Variants in CCDC33 observed in about 807,000 individuals in gnomAD.
CCDC33 encodes coiled-coil domain containing 33.
A neutral mutation model predicts 91.9 loss-of-function variants in CCDC33; 94 were observed. The observed-to-expected ratio is 1.02, with a 90% CI of 0.87 to 1.21. The LOEUF (loss-of-function observed/expected upper bound fraction) is 1.21. Ranked by LOEUF, CCDC33 falls within the 50% of genes most tolerant of loss-of-function variation. The probability of loss-of-function intolerance (pLI) is 0.00; values close to 1 mark genes in which losing one functional copy is unlikely to be tolerated. For synonymous variants in CCDC33, 396 were observed against 374.5 expected (o/e 1.06, Z -0.66); for missense variants, 940 against 935.5 (o/e 1.00, Z -0.06).
At chr15:74,262,678 TG>T in intron 3 of CCDC33, 105 bp downstream of exon 3, 1 of 1,259,536 alleles carries the variant, frequency 7.9e-7, no homozygotes, top group East Asian at 2.6e-5. Flanking sequence ...GGTAGCCACC[TG>T]AACACCTCCT....
intron 11 of CCDC33, among the ~76,000 whole-genome samples, chr15:74,324,888 C>G (rs2060278692): frequency 1.3e-5 from 2 of 150,218 alleles, no homozygotes; most frequent in Non-Finnish European, 3.0e-5. Flanking sequence ...TCCTTCTCCC[C>G]TCTTCCTCCT....
chr15:74,237,425 C>G (rs2075199542), intron 1 of CCDC33, among the ~76,000 whole-genome samples: 1 of 152,184 alleles, frequency 6.6e-6, no homozygotes, highest in Admixed American at 6.5e-5. Flanking sequence ...TGGTGTTAAC[C>G]CACAGGGATA....
intron 5 of CCDC33, among the ~76,000 whole-genome samples, 164 bp downstream of exon 5, chr15:74,268,622 G>A (rs1427445963): frequency 6.6e-6 from 1 of 152,264 alleles, no homozygotes; most frequent in African/African-American, 2.4e-5. Flanking sequence ...ATAGCAAAAG[G>A]AGTTGTGAAG....
chr15:74,232,050 G>A (rs12904523), upstream of CCDC33, among the ~76,000 whole-genome samples: 69,321 of 151,996 alleles, frequency 0.46, 18,797 homozygotes, highest in Non-Finnish European at 0.62. Flanking sequence ...CAATAACTCC[G>A]GGAGCGTAAA....
At chr15:74,285,095 T>C (rs2059445904) in intron 10 of CCDC33, among the ~76,000 whole-genome samples, 2 of 152,270 alleles carry the variant, frequency 1.3e-5, no homozygotes, top group Non-Finnish European at 2.9e-5. Flanking sequence ...GCTCTTTGCA[T>C]GTGGTCAGAC....
At chr15:74,262,114 G>A (rs1038637797) in intron 2 of CCDC33, among the ~76,000 whole-genome samples, 8 of 152,272 alleles carry the variant, frequency 5.3e-5, no homozygotes, top group East Asian at 3.9e-4. Context: ...TCCTGCTGGA[G>A]AGCCCTCCCT....
Position 74,335,057 on chromosome 15 carries a change from A to AC in CCDC33, c.2112dup (p.Ser705LeufsTer10). ...CAGGAGCAAGAAAAAGGTTTCAGGC[A>AC]CCCCTCGAACTCCATCATCATAGAA... On this transcript the variant is annotated frameshift_variant, in exon 18 of 19. Transcript: ENST00000398814. LOFTEE classifies it low-confidence loss of function (END_TRUNC). 6.2e-7 allele frequency: 1 copy of AC among 1,613,786 alleles called. No individual in the cohort carries two copies. The highest frequency in any genetic ancestry group is 8.5e-7 in the Non-Finnish European group (1 of 1,179,928).
At chr15:74,270,131 G>A (rs1389830182) in intron 5 of CCDC33, among the ~76,000 whole-genome samples, 1 of 152,214 alleles carries the variant, frequency 6.6e-6, no homozygotes, top group Non-Finnish European at 1.5e-5. Flanking sequence ...AGAGCTGCGA[G>A]GCCCTAAGGA....
chr15:74,329,008 G>A (rs932475821), intron 11 of CCDC33, among the ~76,000 whole-genome samples: 6 of 152,128 alleles, frequency 3.9e-5, no homozygotes, highest in South Asian at 2.1e-4. Context: ...GCTTCACATC[G>A]AGGTTGCAGT....
At chr15:74,221,462 G>T (rs1595882940) in intron 2 of CCDC33, 2 of 273,362 alleles carry the variant, frequency 7.3e-6, no homozygotes, top group South Asian at 1.4e-4. Flanking sequence ...GCCTTAAATG[G>T]CCCTGCCAAT....
chr15:74,300,098 C>T (rs894038989), intron 11 of CCDC33: 1 of 152,228 alleles, frequency 6.6e-6, no homozygotes, highest in Non-Finnish European at 1.5e-5. Flanking sequence ...TGTACGGCTC[C>T]ATGACAAGCA....
chr15:74,217,110 A>G, upstream of CCDC33: 1 of 355,122 alleles, frequency 2.8e-6, no homozygotes, highest in South Asian at 3.1e-5. Flanking sequence ...TCCCTGGGTC[A>G]GGCCCAGCTT....
intron 11 of CCDC33, among the ~76,000 whole-genome samples, chr15:74,319,012 G>A (rs2060152699): frequency 1.3e-5 from 2 of 152,164 alleles, no homozygotes; most frequent in Admixed American, 1.3e-4. Flanking sequence ...GCTGAGCCTG[G>A]GCTAGCCTGG....
Position 74,335,948 on chromosome 15 carries a change from C to T in CCDC33, c.2163C>T (p.Asp721=). 6.2e-7 allele frequency: 1 copy of T among 1,613,922 alleles called. No homozygotes were observed. The highest frequency in any genetic ancestry group is 8.5e-7 in the Non-Finnish European group (1 of 1,179,982). The change falls in exon 19 of 19, where the codon GAC becomes GAT. Residue 721 remains aspartate (D), a synonymous_variant. Transcript: ENST00000398814. ...EQPSALTHSM[D]LKQPSELEPL... is the part of the protein sequence containing the mutation. ...AGAGTGCCCTCACCCACTCCATGGA[C>T]CTCAAGCAGCCCTCAGAGCTGGAGC... is the stretch of plus-strand genomic sequence containing the variant.
In CCDC33 at chr15:74,226,226, C is replaced by T. The variant is rs115164250; in HGVS notation, c.675+7365C>T. ...AAGTGGTGGGCATGAGCTGGGTGGT[C>T]GTCAAGGACTCAGTCTGTTGGAGGA... is the stretch of plus-strand genomic sequence containing the variant. On this transcript the variant is annotated intron_variant, in intron 2 of 2. Coordinates refer to the CCDC33 transcript ENST00000635913. 3.9e-3 allele frequency among the ~76,000 whole-genome samples: 587 copies of T among 152,228 alleles called. 3 individuals carry two copies. Among genetic ancestry groups the T allele is most frequent in the African/African-American group, 0.012 (488 of 41,510 alleles).
At chr15:74,291,170 C>T (rs1283784509) in intron 10 of CCDC33, among the ~76,000 whole-genome samples, 3 of 152,218 alleles carry the variant, frequency 2.0e-5, no homozygotes, top group African/African-American at 7.2e-5. Context: ...TGCAAGAGCA[C>T]GCAGGATGCC....
chr15:74,295,893 C>T lies in CCDC33; in HGVS notation c.1235C>T (p.Ser412Phe). ...AGCTCCACAATGGACTTGAGCACGTCCACTCCACGAGAAGCAGAGGAGGAA... is the reference window on the plus strand; with the variant it reads ...AGCTCCACAATGGACTTGAGCACGTTCACTCCACGAGAAGCAGAGGAGGAA... ...TVSSTMDLST[S>F]TPREAEEEPL... The change falls in exon 11 of 19, where the codon TCC (serine) becomes TTC (phenylalanine). Residue 412 changes from serine (S) to phenylalanine (F), a missense_variant. By Grantham distance (155) the Ser-to-Phe change is radical (BLOSUM62 -2). Transcript: ENST00000398814. 2 of 1,614,096 alleles carry T rather than the reference C, an allele frequency of 1.2e-6. No individual in the cohort carries two copies. Among genetic ancestry groups the T allele is most frequent in the African/African-American group, 1.3e-5 (1 of 75,032 alleles).
Position 74,281,847 on chromosome 15 carries a change from G to GGT in CCDC33, c.1093_1094insGT (p.Glu365GlyfsTer8). 1 of 1,613,894 alleles carries GGT rather than the reference G, an allele frequency of 6.2e-7. No homozygotes were observed. Among genetic ancestry groups the GGT allele is most frequent in the South Asian group, 1.1e-5 (1 of 91,054 alleles). ...TCTCTCCTTCCAGCTGCTTTCCTCT[G>GGT]AGGTAAGGCTGTGGGCCAGGGGAGG... On this transcript the variant is annotated frameshift_variant and splice_region_variant, in exon 10 of 19. Coordinates refer to ENST00000398814, the MANE Select transcript of CCDC33 (RefSeq NM_025055.5). LOFTEE classifies it high-confidence loss of function.
rs181382588 is a variant in CCDC33, at chr15:74,223,305, A to G, written c.675+4444A>G. ...GAAAGCAATGCTTGGGCTGCTACCA[A>G]CAAAGTGGTGGGAGGTGGGGAAGGT... On this transcript the variant is annotated intron_variant, in intron 2 of 2. Transcript: ENST00000635913. Among the ~76,000 whole-genome samples the G allele has an allele frequency of 4.3e-4, 66 of 152,210 alleles. 1 individual carries two copies. The East Asian group carries it at 6.4e-3, about 15-fold the overall frequency.
Sources: allele counts gnomAD v4.1 joint callset (sites outside exome capture counted in the v4.1 genomes callset), GRCh38; gene constraint gnomAD v4.1.1; transcripts MANE v1.5; gene names NCBI Gene and HGNC (gene_info 2026-07-23, HGNC 2026-07-21).